The following DPP8 variants were observed in gnomAD, a reference collection of about 807,000 sequenced individuals.
DPP8 encodes DPP VIII.
In DPP8, 31 loss-of-function variants were observed where a neutral mutation model predicts 107.5. The ratio of observed to expected loss-of-function variants is 0.29; its 90% CI spans 0.22 to 0.39. The LOEUF is 0.39. Ranked by LOEUF, DPP8 falls within the 10% of genes least tolerant of loss-of-function variation. DPP8 has a pLI of 1.00. For synonymous variants in DPP8, 381 were observed against 356.6 expected, an observed-to-expected ratio of 1.07 and a Z score of -0.77; for missense variants, 842 against 1,076.1, an observed-to-expected ratio of 0.78 and a Z score of 3.04.
intron 9 of DPP8, 44 bp downstream of exon 9, chr15:65,481,471 G>A (rs1229252206): frequency 3.8e-6 from 5 of 1,303,206 alleles, no homozygotes; most frequent in Non-Finnish European, 5.4e-6. Context: ...CAAAGCTCTG[G>A]ATCCTAAATT....
intron 1 of DPP8, among the ~76,000 whole-genome samples, chr15:65,514,266 T>TA (rs2071165897): frequency 6.6e-6 from 1 of 152,234 alleles, no homozygotes; most frequent in South Asian, 2.1e-4. Context: ...ATTAGACAGT[T>TA]ACCAGGTATG....
chr15:65,467,155 G>A lies in DPP8; in HGVS notation c.1605C>T (p.His535=), dbSNP rs144699847. 8.7e-6 allele frequency: 14 copies of A among 1,613,918 alleles called. No homozygotes were observed. In the South Asian group the frequency reaches 1.5e-4, roughly 18 times the overall value. Residue 535 remains histidine, a synonymous_variant, in exon 13 of 20, where the codon CAC becomes CAT. Transcript: ENST00000300141. ...GATTTACGTAACTGACTACGTACAG[G>A]TGATGCTCTAAAGGGGAGTCTTTGG... ...EGTKDSPLEH[H]LYVVSYVNPG...
chr15:65,508,808 C>A (rs558041571), intron 2 of DPP8, among the ~76,000 whole-genome samples: 1 of 151,766 alleles, frequency 6.6e-6, no homozygotes, highest in Non-Finnish European at 1.5e-5. Flanking sequence ...ACCGAGATCA[C>A]GCCACTGCAC....
intron 12 of DPP8, among the ~76,000 whole-genome samples, chr15:65,472,369 T>C (rs2065964876): frequency 6.6e-6 from 1 of 152,098 alleles, no homozygotes; most frequent in South Asian, 2.1e-4. Context: ...CATAATTCAT[T>C]TGCAGCCTAG....
At position 65,491,147 on chromosome 15, in the gene DPP8, C is replaced by G. The variant is rs970299087; in HGVS notation, c.716-848G>C. Among the ~76,000 whole-genome samples, 15 of 85,726 alleles carry G rather than the reference C, an allele frequency of 1.7e-4. No individual in the cohort carries two copies. The Admixed American group carries it at 2.1e-3, about 12-fold the overall frequency. 56.2% of individuals were successfully genotyped at this position (85,726 alleles called of 152,430 possible). On this transcript the variant is annotated intron_variant, in intron 5 of 19. Transcript: ENST00000300141. ...CTCCCCTCCAGCCTGGGTGACAGAA[C>G]AAGACTCCGTCTCAAAAAAAAAAAA...
chr15:65,481,476 T>G (rs781128768), intron 9 of DPP8, 39 bp downstream of exon 9: 1 of 1,354,668 alleles, frequency 7.4e-7, no homozygotes, highest in Non-Finnish European at 1.0e-6. Context: ...CTCTGGATCC[T>G]AAATTAGTTA....
At chr15:65,469,267 G>A (rs944840300) in intron 12 of DPP8, among the ~76,000 whole-genome samples, 1 of 151,698 alleles carries the variant, frequency 6.6e-6, no homozygotes, top group Non-Finnish European at 1.5e-5. Context: ...GAGCCACTGC[G>A]CCCAGCCAAG....
intron 1 of DPP8, chr15:65,516,859 G>A (rs1008719573): frequency 6.6e-6 from 1 of 152,422 alleles, no homozygotes; most frequent in South Asian, 2.1e-4. Flanking sequence ...TGAGGAACAA[G>A]AGGAGAGGCA....
At chr15:65,475,685 GTTC>G (rs2066320209) in intron 11 of DPP8, 1 of 592,730 alleles carries the variant, frequency 1.7e-6, no homozygotes, top group Non-Finnish European at 3.0e-6. Context: ...TAATACAATT[GTTC>G]TTCATTTGCC....
At position 65,481,504 on chromosome 15, in the gene DPP8, A is replaced by C. The variant is rs2140760507; in HGVS notation, c.1118+11T>G. 6.7e-7 allele frequency: 1 copy of C among 1,500,414 alleles called. No individual in the cohort carries two copies. Among genetic ancestry groups the C allele is most frequent in the East Asian group, 2.3e-5 (1 of 42,982 alleles). 92.9% of individuals were successfully genotyped at this position (1,500,414 alleles called of 1,614,324 possible). ...ATTAGTTATAAAGAAGTAACAATTT[A>C]ACATACGCACTATTTTCCCTCAGGA... On this transcript the variant is annotated intron_variant, in intron 9 of 19. Coordinates refer to ENST00000300141, the MANE Select transcript of DPP8 (RefSeq NM_130434.5).
At chr15:65,479,192 T>G (rs897612658) in intron 10 of DPP8, among the ~76,000 whole-genome samples, 153 bp from the exon 11 acceptor site, 9 of 152,174 alleles carry the variant, frequency 5.9e-5, no homozygotes, top group African/African-American at 1.9e-4. Flanking sequence ...TAAATTTTGC[T>G]TGGGGCTTTC....
chr15:65,490,971 A>T (rs562501067), intron 5 of DPP8, among the ~76,000 whole-genome samples: 1 of 152,154 alleles, frequency 6.6e-6, no homozygotes, highest in East Asian at 1.9e-4. Flanking sequence ...CAGCCTGGCC[A>T]ATATGGTGAA....
At chr15:65,515,225 G>C (rs1355298973) in intron 1 of DPP8, among the ~76,000 whole-genome samples, 1 of 152,170 alleles carries the variant, frequency 6.6e-6, no homozygotes, top group African/African-American at 2.4e-5. Context: ...CACCGCGCCT[G>C]GCCATGCCCA....
chr15:65,459,020 C>CT (rs2064684304), intron 15 of DPP8: 1 of 142,802 alleles, frequency 7.0e-6, no homozygotes. Context: ...ACACCAGATT[C>CT]TTTATTTTTT....
chr15:65,492,567 T>C (rs1372882388), intron 5 of DPP8, among the ~76,000 whole-genome samples: 1 of 152,180 alleles, frequency 6.6e-6, no homozygotes, highest in Non-Finnish European at 1.5e-5. Flanking sequence ...GCCAGTCTAG[T>C]AGGCATTACA....
intron 11 of DPP8, chr15:65,475,643 A>T (rs952486070): frequency 1.8e-5 from 14 of 777,116 alleles, no homozygotes; most frequent in Admixed American, 1.1e-4. Flanking sequence ...GAAATGCAAC[A>T]AACTACTTTA....
At chr15:65,506,537 C>T (rs1381045145) in intron 3 of DPP8, among the ~76,000 whole-genome samples, 1 of 151,440 alleles carries the variant, frequency 6.6e-6, no homozygotes. Flanking sequence ...TTGCTTGAAC[C>T]CAGAAGTTTG....
chr15:65,513,039 C>T (rs1448833412), intron 1 of DPP8, among the ~76,000 whole-genome samples: 2 of 152,102 alleles, frequency 1.3e-5, no homozygotes, highest in Non-Finnish European at 2.9e-5. Context: ...CAAATGAGAA[C>T]GGTAATAAAA....
At position 65,496,274 on chromosome 15, in the gene DPP8, C is replaced by T. The variant is rs371166939; in HGVS notation, c.715+1590G>A. Among the ~76,000 whole-genome samples, 20 of 152,112 alleles carry T rather than the reference C, an allele frequency of 1.3e-4. No individual in the cohort carries two copies. The South Asian group carries it at 3.7e-3, about 28-fold the overall frequency. On this transcript the variant is annotated intron_variant, in intron 5 of 19. Transcript: ENST00000300141. ...CTAGGATTACAGGCATGAACCGTGG[C>T]GGCTGGCCTGTAATTAATTTTAACT...
Sources: gnomAD v4.1 joint callset for allele counts (sites outside exome capture counted in the v4.1 genomes callset) on GRCh38, gnomAD v4.1.1 for gene constraint, MANE v1.5 for transcripts, NCBI Gene and HGNC (gene_info 2026-07-23, HGNC 2026-07-21) for gene names.